The following IL1RL2 variants were observed in gnomAD, a reference collection of about 807,000 sequenced individuals.
The protein encoded by IL1RL2 is interleukin-1 receptor-like 2.
IL1RL2 carries 68 observed loss-of-function variants against 66.8 expected under a neutral mutation model. The ratio of observed to expected loss-of-function variants is 1.02; its 90% CI spans 0.84 to 1.25. IL1RL2 has a LOEUF of 1.25. Ranked by LOEUF, IL1RL2 falls within the 50% of genes most tolerant of loss-of-function variation. The pLI is 0.00. For missense variants in IL1RL2, 729 were observed against 709.3 expected, an observed-to-expected ratio of 1.03 and a Z score of -0.32; for synonymous variants, 305 against 264.6, an observed-to-expected ratio of 1.15 and a Z score of -1.48.
intron 4 of IL1RL2, among the ~76,000 whole-genome samples, chr2:102,194,265 G>A (rs1687474425): frequency 6.6e-6 from 1 of 152,138 alleles, no homozygotes. Context: ...TGGCTCAATA[G>A]CAAAACAGTG....
downstream of IL1RL2, among the ~76,000 whole-genome samples, chr2:102,242,281 T>G (rs1439298675): frequency 6.6e-6 from 1 of 152,226 alleles, no homozygotes; most frequent in Non-Finnish European, 1.5e-5. Flanking sequence ...TATATGAATA[T>G]TCACATAGAT....
At chr2:102,217,934 T>C (rs1172356399) in intron 6 of IL1RL2, among the ~76,000 whole-genome samples, 2 of 152,042 alleles carry the variant, frequency 1.3e-5, no homozygotes, top group Non-Finnish European at 2.9e-5. Context: ...CAAATGGAAT[T>C]ACATCAAACC....
At chr2:102,232,023 CT>C (rs1044883161) in intron 9 of IL1RL2, among the ~76,000 whole-genome samples, 1 of 151,712 alleles carries the variant, frequency 6.6e-6, no homozygotes, top group Non-Finnish European at 1.5e-5. Context: ...TTTAGAGATC[CT>C]TTTTTTGTTT....
chr2:102,210,307 G>A (rs1689055971), intron 5 of IL1RL2, among the ~76,000 whole-genome samples: 6 of 152,162 alleles, frequency 3.9e-5, no homozygotes. Flanking sequence ...ATGAGGTTGG[G>A]TAAGTAGTCG....
chr2:102,218,838 G>T, intron 6 of IL1RL2, 115 bp from the exon 7 acceptor site: 1 of 871,298 alleles, frequency 1.1e-6, no homozygotes, highest in East Asian at 2.6e-5. Context: ...GGCTATTTCT[G>T]GTAATCAAAA....
chr2:102,202,947 C>CCTCGTGTTCCAGAACTTA (rs1319902332), intron 5 of IL1RL2, among the ~76,000 whole-genome samples: 1 of 152,190 alleles, frequency 6.6e-6, no homozygotes, highest in Non-Finnish European at 1.5e-5. Flanking sequence ...TGGGCATCCT[C>CCTCGTGTTCCAGAACTTA]CTCGTGTTCC....
intron 4 of IL1RL2, among the ~76,000 whole-genome samples, chr2:102,199,809 CT>C (rs1688086667): frequency 6.6e-6 from 1 of 152,186 alleles, no homozygotes; most frequent in Non-Finnish European, 1.5e-5. Flanking sequence ...TAGCCAGAGA[CT>C]ATCCAGGGCA....
In IL1RL2 at chr2:102,235,036, C is replaced by A. The variant is rs35960329; in HGVS notation, c.1437C>A (p.Asp479Glu). ...CGGTCTACAGTGCCCTGATCCAGGA[C>A]GGGATGAAGGTTATTCTCATTGAGC... ...QIAVYSALIQ[D>E]GMKVILIELE... The change falls in exon 11 of 12, where the codon GAC becomes GAA. Residue 479 changes from aspartate to glutamate, a missense_variant. Asp to Glu is a conservative substitution (Grantham distance 45). Coordinates refer to ENST00000264257, the MANE Select transcript of IL1RL2 (RefSeq NM_003854.4). 7 of 1,614,114 alleles carry A rather than the reference C, an allele frequency of 4.3e-6. No homozygotes were observed. The highest frequency in any genetic ancestry group is 5.9e-6 in the Non-Finnish European group (7 of 1,180,032).
At chr2:102,217,725 C>T (rs1271567296) in intron 6 of IL1RL2, among the ~76,000 whole-genome samples, 1 of 152,062 alleles carries the variant, frequency 6.6e-6, no homozygotes, top group Admixed American at 6.6e-5. Context: ...AATTGGATAT[C>T]CACATGCAGA....
chr2:102,204,996 T>C (rs1215577033), intron 5 of IL1RL2, among the ~76,000 whole-genome samples: 1 of 152,086 alleles, frequency 6.6e-6, no homozygotes, highest in Non-Finnish European at 1.5e-5. Context: ...GATTTCTTGC[T>C]TTTTATTTTT....
At chr2:102,238,681 G>A (rs1245204320) in intron 11 of IL1RL2, among the ~76,000 whole-genome samples, 1 of 152,222 alleles carries the variant, frequency 6.6e-6, no homozygotes, top group African/African-American at 2.4e-5. Flanking sequence ...AACAGAGGCT[G>A]TTCCAGATGA....
At position 102,219,059 on chromosome 2, in the gene IL1RL2, C is replaced by CA. The variant is rs1689862421; in HGVS notation, c.834dup (p.Arg279ThrfsTer16). ...TGGTGGATGATTACTATGATGAATC[C>CA]AAACGAATCAGAGAAGGGGTGGAGT... On this transcript the variant is annotated frameshift_variant, in exon 7 of 12. Transcript: ENST00000264257. LOFTEE classifies it high-confidence loss of function. 1.2e-6 allele frequency: 2 copies of CA among 1,613,738 alleles called. No homozygotes were observed. The highest frequency in any genetic ancestry group is 2.2e-5 in the South Asian group (2 of 91,074).
At chr2:102,229,702 C>T (rs1284406719) in intron 9 of IL1RL2, among the ~76,000 whole-genome samples, 8 of 152,248 alleles carry the variant, frequency 5.3e-5, no homozygotes, top group South Asian at 2.1e-4. Context: ...AAAGTCACTA[C>T]GTTTTGAGAA....
chr2:102,220,538 A>C (rs1690015769), intron 8 of IL1RL2, among the ~76,000 whole-genome samples: 1 of 152,182 alleles, frequency 6.6e-6, no homozygotes, highest in Non-Finnish European at 1.5e-5. Context: ...AAGTCAGTGA[A>C]AAGATAGTGG....
chr2:102,239,294 C>T lies in IL1RL2; in HGVS notation c.*53C>T. 6.6e-7 allele frequency: 1 copy of T among 1,513,854 alleles called. No individual in the cohort carries two copies. Among genetic ancestry groups the T allele is most frequent in the Non-Finnish European group, 9.2e-7 (1 of 1,088,610 alleles). 93.8% of individuals were successfully genotyped at this position (1,513,854 alleles called of 1,614,324 possible). A position where few individuals can be genotyped will look rare whatever the true frequency, so the allele number is the denominator to read the frequency against. Reference sequence around the variant, plus strand: ...GAAGATGACTTGTTTTGCTCCATGTCTCCTCATTCCTACACCTATTTTCTG... The same window carrying T: ...GAAGATGACTTGTTTTGCTCCATGTTTCCTCATTCCTACACCTATTTTCTG... On this transcript the variant is annotated 3_prime_UTR_variant, in exon 12 of 12. Transcript: ENST00000264257.
intron 10 of IL1RL2, 115 bp from the exon 11 acceptor site, chr2:102,234,782 A>C: frequency 1.1e-6 from 1 of 944,782 alleles, no homozygotes; most frequent in South Asian, 1.6e-5. Context: ...GTGAGACTTC[A>C]CTTCAAAAAA....
chr2:102,230,971 T>C (rs1290182059), intron 9 of IL1RL2, among the ~76,000 whole-genome samples: 1 of 152,218 alleles, frequency 6.6e-6, no homozygotes, highest in Non-Finnish European at 1.5e-5. Context: ...ATCACCTCTT[T>C]CTGCAAGTCT....
At chr2:102,204,501 T>C (rs1688534713) in intron 5 of IL1RL2, among the ~76,000 whole-genome samples, 1 of 152,156 alleles carries the variant, frequency 6.6e-6, no homozygotes, top group Admixed American at 6.5e-5. Context: ...CCAGCTATTA[T>C]TGTATTGGAG....
chr2:102,212,054 AT>A, intron 5 of IL1RL2, 45 bp from the exon 6 acceptor site: 2 of 1,391,442 alleles, frequency 1.4e-6, no homozygotes, highest in Admixed American at 1.7e-5. Context: ...TTGGGAATGT[AT>A]CATACGTGAT....
Sources: allele counts gnomAD v4.1 joint callset (sites outside exome capture counted in the v4.1 genomes callset), GRCh38; gene constraint gnomAD v4.1.1; transcripts MANE v1.5; gene names NCBI Gene and HGNC (gene_info 2026-07-23, HGNC 2026-07-21).